The following DAB1 variants were observed in gnomAD, a reference collection of about 807,000 sequenced individuals.
The protein encoded by DAB1 is disabled homolog 1.
A neutral mutation model predicts 64.6 loss-of-function variants in DAB1; 15 were observed. The ratio of observed to expected loss-of-function variants is 0.23; its 90% confidence interval spans 0.16 to 0.36. The LOEUF (loss-of-function observed/expected upper bound fraction) is 0.36. DAB1 is among the 10% of genes least tolerant of loss of function. DAB1 has a pLI of 1.00. For synonymous variants in DAB1, 235 were observed against 251.9 expected, an observed-to-expected ratio of 0.93 and a Z score of 0.64; for missense variants, 596 against 706.7, an observed-to-expected ratio of 0.84 and a Z score of 1.78.
chr1:58,517,806 A>G (rs1446432715), intron 2 of DAB1, among the ~76,000 whole-genome samples: 2 of 152,012 alleles, frequency 1.3e-5, no homozygotes, highest in Non-Finnish European at 2.9e-5. Flanking sequence ...TTAAATGTCA[A>G]TCCAAAGTAG....
chr1:57,855,518 G>T (rs1653712794), intron 1 of DAB1, among the ~76,000 whole-genome samples: 1 of 152,298 alleles, frequency 6.6e-6, no homozygotes, highest in Non-Finnish European at 1.5e-5. Context: ...GTGCTTTCAG[G>T]TTGGGGTATT....
At chr1:58,169,197 C>A (rs115069928) in intron 4 of DAB1, among the ~76,000 whole-genome samples, 1 of 151,978 alleles carries the variant, frequency 6.6e-6, no homozygotes, top group Non-Finnish European at 1.5e-5. Flanking sequence ...GGTTCTTGGG[C>A]AAGAGGCATT....
At chr1:58,144,429 T>C (rs1390418446) in intron 5 of DAB1, among the ~76,000 whole-genome samples, 1 of 152,254 alleles carries the variant, frequency 6.6e-6, no homozygotes, top group East Asian at 1.9e-4. Flanking sequence ...AAAATGCTTT[T>C]TACATCTATC....
chr1:57,165,387 G>T (rs1464040466), intron 2 of DAB1, among the ~76,000 whole-genome samples: 21 of 152,002 alleles, frequency 1.4e-4, no homozygotes, highest in Admixed American at 1.4e-3. Context: ...GCAGCAAATT[G>T]CCTGGAAGAA....
chr1:57,917,591 G>C (rs927594465), intron 5 of DAB1, among the ~76,000 whole-genome samples: 1 of 151,234 alleles, frequency 6.6e-6, no homozygotes, highest in Non-Finnish European at 1.5e-5. Context: ...TTCCCCCTTA[G>C]AGAGACATGT....
intron 6 of DAB1, among the ~76,000 whole-genome samples, chr1:57,806,413 A>G (rs1651364728): frequency 6.6e-6 from 1 of 152,222 alleles, no homozygotes; most frequent in African/African-American, 2.4e-5. Context: ...ACACAGTGAC[A>G]TGCACACAAG....
intron 3 of DAB1, among the ~76,000 whole-genome samples, chr1:58,420,483 A>G (rs1644761387): frequency 6.6e-6 from 1 of 152,164 alleles, no homozygotes; most frequent in Non-Finnish European, 1.5e-5. Context: ...GCATGAGTGT[A>G]TATGTAGAAA....
At chr1:58,500,099 C>A (rs1427771429) in intron 3 of DAB1, among the ~76,000 whole-genome samples, 1 of 152,124 alleles carries the variant, frequency 6.6e-6, no homozygotes, top group Non-Finnish European at 1.5e-5. Context: ...TCTAAAATAT[C>A]ATTACTTTCC....
intron 6 of DAB1, among the ~76,000 whole-genome samples, chr1:57,760,986 G>A (rs1288636798): frequency 6.6e-6 from 1 of 152,308 alleles, no homozygotes; most frequent in Middle Eastern, 3.4e-3. Context: ...AATGACATGA[G>A]TATAAGGAGG....
chr1:57,291,024 T>C lies in DAB1; in HGVS notation c.7A>G (p.Thr3Ala). 6.2e-7 allele frequency: 1 copy of C among 1,611,362 alleles called. No homozygotes were observed. The highest frequency in any genetic ancestry group is 8.5e-7 in the Non-Finnish European group (1 of 1,178,502). ...ACAGCTACTTGAAGTTCTGTCTCAG[T>C]TGACATCCTACTTAATCCTTAGTCC... Reference protein sequence around the residue: MSTETELQVAVKT... With the variant: MSAETELQVAVKT... The change falls in exon 2 of 15, where the codon ACT (threonine) becomes GCT (alanine). Residue 3 changes from threonine to alanine, a missense_variant. Thr to Ala is a moderately conservative substitution (Grantham distance 58). This residue lies in a region of DAB1 where 43 missense variants were observed against 39.6 expected (regional missense o/e 1.09). Coordinates refer to ENST00000371236, the MANE Select transcript of DAB1 (RefSeq NM_001365792.1).
At chr1:58,151,998 C>T (rs1215118053) in intron 4 of DAB1, among the ~76,000 whole-genome samples, 1 of 151,834 alleles carries the variant, frequency 6.6e-6, no homozygotes, top group East Asian at 1.9e-4. Flanking sequence ...GAACAAGATA[C>T]GAAAAAGCAC....
At chr1:57,774,657 C>T (rs538307148) in intron 6 of DAB1, among the ~76,000 whole-genome samples, 119 of 151,804 alleles carry the variant, frequency 7.8e-4, no homozygotes, top group African/African-American at 2.8e-3. Flanking sequence ...GTATCTATAG[C>T]GATAGCTGTA....
At chr1:57,466,366 C>T (rs762861167) in intron 7 of DAB1, among the ~76,000 whole-genome samples, 1 of 152,030 alleles carries the variant, frequency 6.6e-6, no homozygotes, top group Non-Finnish European at 1.5e-5. Context: ...AAATGATTGA[C>T]CATTTTCCTT....
chr1:57,392,611 CAA>C (rs1424941748), intron 1 of DAB1, among the ~76,000 whole-genome samples: 1 of 152,078 alleles, frequency 6.6e-6, no homozygotes, highest in African/African-American at 2.4e-5. Flanking sequence ...TAATTCTGAC[CAA>C]AAGAGTTTGA....
At chr1:57,520,204 T>C (rs572745248) in intron 7 of DAB1, among the ~76,000 whole-genome samples, 1 of 152,330 alleles carries the variant, frequency 6.6e-6, no homozygotes, top group South Asian at 2.1e-4. Flanking sequence ...CATAACTGCT[T>C]CCCAAGAAGG....
chr1:57,552,903 A>G (rs192762529), intron 7 of DAB1, among the ~76,000 whole-genome samples: 107 of 152,270 alleles, frequency 7.0e-4, no homozygotes, highest in African/African-American at 2.5e-3. Flanking sequence ...TGATGAAGAC[A>G]TTACATTATT....
chr1:58,348,094 C>T (rs1033399235), intron 3 of DAB1, among the ~76,000 whole-genome samples: 5 of 152,172 alleles, frequency 3.3e-5, no homozygotes, highest in Admixed American at 6.5e-5. Context: ...ACCTCACCTT[C>T]CCTCATTGCT....
chr1:57,342,780 G>A (rs1303816429), intron 1 of DAB1, among the ~76,000 whole-genome samples: 2 of 150,136 alleles, frequency 1.3e-5, no homozygotes, highest in African/African-American at 4.9e-5. Context: ...GGACCTTCGC[G>A]GTGAGCGTTA....
Position 57,409,215 on chromosome 1 carries a change from C to T in DAB1, c.-137+14715G>A, listed in dbSNP as rs568709015. ...ACCACAGAGGTAGCAGATAGTGTTA[C>T]TGATCTAGAGGTAGGTTGGCTTCCT... On this transcript the variant is annotated intron_variant, in intron 1 of 14. Coordinates refer to ENST00000371236, the MANE Select transcript of DAB1 (RefSeq NM_001365792.1). Among the ~76,000 whole-genome samples the T allele has an allele frequency of 1.5e-4, 23 of 152,360 alleles. No individual in the cohort carries two copies. The South Asian group carries it at 4.8e-3, about 32-fold the overall frequency.
Sources: gnomAD v4.1 joint callset for allele counts (sites outside exome capture counted in the v4.1 genomes callset) on GRCh38, gnomAD v4.1.1 for gene constraint, gnomAD v4.1.1 regional missense constraint, MANE v1.5 for transcripts, NCBI Gene and HGNC (gene_info 2026-07-23, HGNC 2026-07-21) for gene names.